EFHC2: variants seen among roughly 807,000 people sequenced by gnomAD.
The protein encoded by EFHC2 is EF-hand domain-containing family member C2.
A neutral mutation model predicts 52.7 loss-of-function variants in EFHC2; 18 were observed. The observed-to-expected ratio is 0.34, with a 90% CI of 0.24 to 0.51. EFHC2 has a LOEUF of 0.51. EFHC2 is among the 20% of genes least tolerant of loss of function. EFHC2 has a pLI of 0.97. For synonymous variants in EFHC2, 203 were observed against 204.1 expected (o/e 0.99, Z 0.04); for missense variants, 513 against 562.5 (o/e 0.91, Z 0.89).
At chrX:44,240,844 G>A (rs1333508941) in intron 8 of EFHC2, among the ~76,000 whole-genome samples, 1 of 111,384 alleles carries the variant, frequency 9.0e-6, no homozygotes, top group Non-Finnish European at 1.9e-5. Context: ...GACCACTCCT[G>A]AGAAGCATCA....
chrX:44,278,885 T>C (rs2037681092), intron 2 of EFHC2, among the ~76,000 whole-genome samples: 1 of 112,144 alleles, frequency 8.9e-6, no homozygotes, highest in Non-Finnish European at 1.9e-5. Flanking sequence ...TTTCATTAAA[T>C]AAATTTGTGT....
intron 1 of EFHC2, among the ~76,000 whole-genome samples, chrX:44,313,483 C>T (rs757996636): frequency 2.3e-4 from 26 of 112,116 alleles, no homozygotes; most frequent in Non-Finnish European, 3.6e-4. Context: ...AGCCAATCCA[C>T]TCCTACAGAA....
intron 11 of EFHC2, among the ~76,000 whole-genome samples, chrX:44,185,392 C>T (rs2147284545): frequency 9.0e-6 from 1 of 111,697 alleles, no homozygotes; most frequent in South Asian, 3.8e-4. Flanking sequence ...TGCCCTCTTT[C>T]ACTCTCTATT....
Position 44,250,155 on chromosome X carries a change from C to T in EFHC2, c.858+39G>A, listed in dbSNP as rs371627314. 18 of 1,187,393 alleles carry T rather than the reference C, an allele frequency of 1.5e-5. No individual in the cohort carries two copies. In the African/African-American group the frequency reaches 3.0e-4, roughly 20 times the overall value. ...TTCCAAACAGTGACTAGTCTCTTGA[C>T]CCACAAGCAAATTCAAAGTGGTTAT... On this transcript the variant is annotated intron_variant, in intron 5 of 14. Coordinates refer to ENST00000420999, the MANE Select transcript of EFHC2 (RefSeq NM_025184.4).
chrX:44,307,045 A>G (rs748846274), intron 2 of EFHC2, among the ~76,000 whole-genome samples: 29 of 110,896 alleles, frequency 2.6e-4, no homozygotes, highest in Non-Finnish European at 4.9e-4. Context: ...TCTTAGGGGA[A>G]AGGGGCCAGT....
At chrX:44,321,756 T>C (rs1261613311) in intron 1 of EFHC2, among the ~76,000 whole-genome samples, 1 of 111,799 alleles carries the variant, frequency 8.9e-6, no homozygotes, top group Non-Finnish European at 1.9e-5. Flanking sequence ...GCTGGTGACC[T>C]TGACGAGAAT....
chrX:44,215,074 G>A (rs1465115458), intron 11 of EFHC2, among the ~76,000 whole-genome samples: 1 of 111,298 alleles, frequency 9.0e-6, no homozygotes, highest in Non-Finnish European at 1.9e-5. Flanking sequence ...TGGTCTAAAA[G>A]CATGTGGCAC....
chrX:44,154,737 G>A (rs1052483072), intron 14 of EFHC2, among the ~76,000 whole-genome samples: 19 of 109,997 alleles, frequency 1.7e-4, no homozygotes, highest in African/African-American at 6.0e-4. Flanking sequence ...ACTCTTAATC[G>A]TCTACATCAT....
intron 13 of EFHC2, among the ~76,000 whole-genome samples, chrX:44,171,319 GCT>G (rs985004875): frequency 1.8e-5 from 2 of 111,634 alleles, no homozygotes; most frequent in African/African-American, 6.5e-5. Flanking sequence ...ATCCTGAACT[GCT>G]CTATTTCCAC....
At chrX:44,227,121 C>A (rs1212009915) in intron 11 of EFHC2, among the ~76,000 whole-genome samples, 1 of 110,148 alleles carries the variant, frequency 9.1e-6, no homozygotes, top group Non-Finnish European at 1.9e-5. Context: ...AAGCAGAAAA[C>A]AAGAAAGAGA....
intron 3 of EFHC2, among the ~76,000 whole-genome samples, chrX:44,264,629 C>T (rs747459954): frequency 7.1e-5 from 8 of 112,611 alleles, no homozygotes; most frequent in Admixed American, 3.8e-4. Context: ...AAAAATCTAA[C>T]GTCACAATTC....
At chrX:44,333,349 A>G (rs2038099358) in intron 1 of EFHC2, among the ~76,000 whole-genome samples, 1 of 111,079 alleles carries the variant, frequency 9.0e-6, no homozygotes, top group Non-Finnish European at 1.9e-5. Flanking sequence ...TCTAGATGGG[A>G]AGAGGAAGAG....
chrX:44,295,095 G>C (rs2037818223), intron 2 of EFHC2, among the ~76,000 whole-genome samples: 1 of 112,009 alleles, frequency 8.9e-6, no homozygotes, highest in African/African-American at 3.2e-5. Flanking sequence ...GAATGAGACA[G>C]CTGGGAACAC....
chrX:44,195,462 G>A (rs773679874), intron 11 of EFHC2, among the ~76,000 whole-genome samples: 3 of 110,501 alleles, frequency 2.7e-5, no homozygotes, highest in Non-Finnish European at 3.8e-5. Flanking sequence ...GTTTTTTTGC[G>A]TGACAGATAT....
intron 14 of EFHC2, among the ~76,000 whole-genome samples, chrX:44,161,335 G>A (rs1278419405): frequency 2.7e-5 from 3 of 111,631 alleles, no homozygotes; most frequent in Non-Finnish European, 5.6e-5. Context: ...AACCAATAGG[G>A]GCTAGTCCCC....
intron 13 of EFHC2, among the ~76,000 whole-genome samples, chrX:44,165,905 C>T (rs1033808846): frequency 1.8e-4 from 20 of 111,203 alleles, no homozygotes; most frequent in Non-Finnish European, 2.8e-4. Context: ...CTTGCCCCTT[C>T]TGCCATGTAA....
chrX:44,266,114 C>G (rs2037575164), intron 3 of EFHC2, among the ~76,000 whole-genome samples: 1 of 111,499 alleles, frequency 9.0e-6, no homozygotes, highest in Non-Finnish European at 1.9e-5. Context: ...CACTTTATCT[C>G]ATGTTGCTCC....
At chrX:44,224,465 C>G (rs1220527093) in intron 11 of EFHC2, among the ~76,000 whole-genome samples, 1 of 112,295 alleles carries the variant, frequency 8.9e-6, no homozygotes, top group Non-Finnish European at 1.9e-5. Context: ...AGAGCTAGAT[C>G]TGGGTTTGCC....
intron 2 of EFHC2, among the ~76,000 whole-genome samples, chrX:44,300,429 A>T (rs186940492): frequency 1.8e-5 from 2 of 111,419 alleles, no homozygotes. Context: ...GTGAGAAAAA[A>T]AATTTCTGTT....
Sources: allele counts gnomAD v4.1 joint callset (sites outside exome capture counted in the v4.1 genomes callset), GRCh38; gene constraint gnomAD v4.1.1; transcripts MANE v1.5; gene names NCBI Gene and HGNC (gene_info 2026-07-23, HGNC 2026-07-21).